CIT: variants seen among roughly 807,000 people sequenced by gnomAD.
The protein encoded by CIT is citron rho-interacting serine/threonine kinase.
Under a neutral mutation model 272.7 loss-of-function variants are expected in CIT, and 79 were observed. The observed-to-expected ratio is 0.29, with a 90% CI of 0.24 to 0.35. The LOEUF is 0.35. Ranked by LOEUF, CIT falls within the 10% of genes least tolerant of loss-of-function variation. The probability of loss-of-function intolerance (pLI) is 1.00; values close to 1 mark genes in which losing one functional copy is unlikely to be tolerated. For missense variants in CIT, 1,909 were observed against 2,618.3 expected (o/e 0.73, Z 5.91); for synonymous variants, 948 against 995.6 (o/e 0.95, Z 0.90).
At chr12:119,737,288 CAG>C (rs1300087873) in intron 24 of CIT, among the ~76,000 whole-genome samples, 1 of 99,278 alleles carries the variant, frequency 1.0e-5, no homozygotes, top group Admixed American at 1.7e-4. Flanking sequence ...GCCTGGGTGA[CAG>C]AGCAAGATTC....
intron 9 of CIT, among the ~76,000 whole-genome samples, chr12:119,816,655 ACT>A (rs1471586790): frequency 8.5e-5 from 13 of 152,290 alleles, no homozygotes; most frequent in Middle Eastern, 3.4e-3. Flanking sequence ...CACGGACCAC[ACT>A]CTGAGTAGCA....
In CIT at chr12:119,728,301, A is replaced by G. The variant is rs1176303359; in HGVS notation, c.3591+201T>C. On this transcript the variant is annotated intron_variant, in intron 28 of 47. Coordinates refer to ENST00000392521, the MANE Select transcript of CIT (RefSeq NM_001206999.2). This position sits in a 1 kb window ranked among gnomAD's most constrained non-coding sequence, Gnocchi z 4.3. ...GATGACGATGTGTCAGTGCAGGCCC[A>G]TTGATTGTAACAAATGGACACTCTG... 6.6e-6 allele frequency among the ~76,000 whole-genome samples: 1 copy of G among 152,188 alleles called. No homozygotes were observed. The highest frequency in any genetic ancestry group is 2.4e-5 in the African/African-American group (1 of 41,456).
In CIT at chr12:119,718,988, T is replaced by C; in HGVS notation, c.3841-127A>G. 1 of 922,086 alleles carries C rather than the reference T, an allele frequency of 1.1e-6. No homozygotes were observed. Among genetic ancestry groups the C allele is most frequent in the Non-Finnish European group, 1.6e-6 (1 of 614,778 alleles). 57.1% of individuals were successfully genotyped at this position (922,086 alleles called of 1,614,324 possible). ...GCATACTCACTGTAAGTGTATTTAG[T>C]AAAAATGGCATGTGAAGGGGGGGAA... is the stretch of plus-strand genomic sequence containing the variant. On this transcript the variant is annotated intron_variant, in intron 30 of 47. Transcript: ENST00000392521. This position sits in a 1 kb window ranked among gnomAD's most constrained non-coding sequence, Gnocchi z 4.8.
At chr12:119,698,086 C>A (rs187513618) in intron 44 of CIT, 32 bp from the exon 45 acceptor site, 3 of 1,589,560 alleles carry the variant, frequency 1.9e-6, no homozygotes, top group African/African-American at 2.7e-5. Context: ...ACAGTGTGGG[C>A]CAAAGAATGG....
chr12:119,860,203 GC>G (rs1424672669), intron 3 of CIT, among the ~76,000 whole-genome samples: 1 of 152,096 alleles, frequency 6.6e-6, no homozygotes, highest in South Asian at 2.1e-4. Context: ...TATAATGAGT[GC>G]CGCGGTATTG....
chr12:119,752,298 A>G (rs1385595181), intron 22 of CIT, 51 bp from the exon 23 acceptor site: 2 of 1,503,104 alleles, frequency 1.3e-6, no homozygotes, highest in Admixed American at 4.1e-5. Context: ...CTTGGTCTGA[A>G]CAAAAGAGAA....
At chr12:119,775,378 C>T (rs985224035) in intron 16 of CIT, among the ~76,000 whole-genome samples, 2 of 152,226 alleles carry the variant, frequency 1.3e-5, no homozygotes, top group South Asian at 2.1e-4. Context: ...TTCCCAATCA[C>T]GTGACAACCC....
chr12:119,691,171 C>CAAAA (rs35222584), intron 46 of CIT, among the ~76,000 whole-genome samples: 7 of 70,262 alleles, frequency 1.0e-4, no homozygotes, highest in Non-Finnish European at 1.3e-4. Flanking sequence ...GACTCCGTCT[C>CAAAA]AAAAAAAAAA....
At chr12:119,743,294 C>T (rs1330437279) in intron 23 of CIT, among the ~76,000 whole-genome samples, 2 of 151,868 alleles carry the variant, frequency 1.3e-5, no homozygotes, top group Non-Finnish European at 2.9e-5. Flanking sequence ...TCAAGGAGGG[C>T]TTCTCTGAGG....
chr12:119,782,449 A>T, intron 13 of CIT, 69 bp downstream of exon 13: 1 of 1,566,602 alleles, frequency 6.4e-7, no homozygotes, highest in South Asian at 1.1e-5. Context: ...TCTCTCAAAC[A>T]CGCCTCTCCT....
chr12:119,876,728 A>C (rs754019767), intron 1 of CIT, among the ~76,000 whole-genome samples: 19 of 152,146 alleles, frequency 1.2e-4, no homozygotes, highest in Middle Eastern at 3.2e-3. Context: ...TGGGGAAAGA[A>C]AGACATCCGT....
chr12:119,716,237 G>C (rs1957466120), intron 32 of CIT, among the ~76,000 whole-genome samples: 1 of 151,532 alleles, frequency 6.6e-6, no homozygotes, highest in Non-Finnish European at 1.5e-5. Context: ...TATTAGCCAG[G>C]CATGGTGGCG....
intron 3 of CIT, among the ~76,000 whole-genome samples, chr12:119,868,069 G>GA (rs1239397183): frequency 6.6e-6 from 1 of 151,916 alleles, no homozygotes; most frequent in African/African-American, 2.4e-5. Context: ...TCTCTACAGA[G>GA]AAAAAAGCAA....
At chr12:119,850,333 C>A in intron 4 of CIT, 58 bp from the exon 5 acceptor site, 2 of 1,059,756 alleles carry the variant, frequency 1.9e-6, no homozygotes, top group Non-Finnish European at 2.8e-6. Context: ...GAAAAAGAAG[C>A]CTTTTCCTCT....
intron 33 of CIT, 125 bp downstream of exon 33, chr12:119,714,072 G>A (rs917635931): frequency 1.8e-6 from 2 of 1,104,030 alleles, no homozygotes. Flanking sequence ...TCCTCCTACT[G>A]AAGTAAGAAG....
chr12:119,718,198 A>G lies in CIT; in HGVS notation c.4168+47T>C, dbSNP rs771517686. The G allele has an allele frequency of 6.4e-6, 10 of 1,565,236 alleles. No homozygotes were observed. In the African/African-American group the frequency reaches 1.1e-4, roughly 17 times the overall value. ...TACTTGTAATTTTTACCATATGCCC[A>G]CATGTCTTAGTCGACTAAAAGAAAT... On this transcript the variant is annotated intron_variant, in intron 32 of 47. Coordinates refer to ENST00000392521, the MANE Select transcript of CIT (RefSeq NM_001206999.2). This position sits in a 1 kb window ranked among gnomAD's most constrained non-coding sequence, Gnocchi z 4.8.
chr12:119,776,536 A>C, intron 14 of CIT, 128 bp from the exon 15 acceptor site: 1 of 1,157,168 alleles, frequency 8.6e-7, no homozygotes, highest in Non-Finnish European at 1.2e-6. Context: ...TCTGTAAATA[A>C]AGACCAAGAG....
At chr12:119,745,303 TG>T (rs1294212432) in intron 23 of CIT, among the ~76,000 whole-genome samples, 1 of 78,590 alleles carries the variant, frequency 1.3e-5, no homozygotes, top group African/African-American at 4.9e-5. Context: ...GGAGAAGGAG[TG>T]GGCATGAAAA....
intron 16 of CIT, among the ~76,000 whole-genome samples, chr12:119,774,775 C>T (rs1256819141): frequency 1.3e-5 from 2 of 151,672 alleles, no homozygotes; most frequent in Non-Finnish European, 2.9e-5. Flanking sequence ...GTGTTTGAGA[C>T]CAGCCTGGGC....
Sources: allele counts gnomAD v4.1 joint callset (sites outside exome capture counted in the v4.1 genomes callset), GRCh38; gene constraint gnomAD v4.1.1; non-coding constraint Gnocchi (gnomAD v3.1); transcripts MANE v1.5; gene names NCBI Gene and HGNC (gene_info 2026-07-23, HGNC 2026-07-21).